Variants in MAPK6 observed in about 807,000 individuals in gnomAD.
The protein encoded by MAPK6 is ERK-3.
A neutral mutation model predicts 59.3 loss-of-function variants in MAPK6; 19 were observed. The ratio of observed to expected loss-of-function variants is 0.32; its 90% confidence interval spans 0.22 to 0.47. The LOEUF is 0.47. MAPK6 is among the 20% of genes least tolerant of loss of function. The pLI is 1.00. For missense variants in MAPK6, 724 were observed against 847.9 expected, an observed-to-expected ratio of 0.85 and a Z score of 1.81; for synonymous variants, 316 against 290.3, an observed-to-expected ratio of 1.09 and a Z score of -0.90.
rs2959280 is a variant in MAPK6, at chr15:51,984,939, C to G, written c.-770+1624C>G. On this transcript the variant is annotated intron_variant, in intron 2 of 7. Transcript: ENST00000691380. The stretch of plus-strand genomic sequence containing the variant: ...AGTTTGTTTTGTTTTTTGTTTCGCA[C>G]TTTTGCAATGAAATTGTATCACTAC... Among the ~76,000 whole-genome samples, 1,065 of 152,234 alleles carry G rather than the reference C, an allele frequency of 7.0e-3. 27 individuals carry two copies. Among genetic ancestry groups the G allele is most frequent in the East Asian group, 0.066 (341 of 5,182 alleles).
intron 4 of MAPK6, among the ~76,000 whole-genome samples, chr15:52,059,343 G>A (rs1370516252): frequency 6.6e-6 from 1 of 152,156 alleles, no homozygotes; most frequent in Non-Finnish European, 1.5e-5. Flanking sequence ...CCCTGGGCTG[G>A]TCTTGAACTC....
chr15:52,049,871 C>A (rs1178929207), intron 2 of MAPK6, 122 bp from the exon 3 acceptor site: 18 of 904,670 alleles, frequency 2.0e-5, no homozygotes, highest in Non-Finnish European at 3.1e-5. Flanking sequence ...CCTTGGTTTC[C>A]CAAAATGCTG....
chr15:52,047,487 AG>A (rs1187792205), intron 2 of MAPK6, among the ~76,000 whole-genome samples: 1 of 152,064 alleles, frequency 6.6e-6, no homozygotes, highest in Non-Finnish European at 1.5e-5. Context: ...CTGGGATTAC[AG>A]GTGCGTGCCA....
At chr15:52,032,725 C>G (rs1754865342) in intron 1 of MAPK6, among the ~76,000 whole-genome samples, 1 of 150,924 alleles carries the variant, frequency 6.6e-6, no homozygotes, top group Admixed American at 6.6e-5. Context: ...GCTCTTGTTG[C>G]CCAGGCTGGA....
At chr15:52,001,864 G>A (rs933970314) in intron 2 of MAPK6, among the ~76,000 whole-genome samples, 30 of 152,298 alleles carry the variant, frequency 2.0e-4, no homozygotes, top group African/African-American at 7.0e-4. Context: ...AGAGGGTCAA[G>A]AGGAATCTGG....
chr15:51,976,431 A>G (rs1314179452), intron 1 of MAPK6, among the ~76,000 whole-genome samples: 1 of 151,828 alleles, frequency 6.6e-6, no homozygotes, highest in South Asian at 2.1e-4. Context: ...TTATTGAGAC[A>G]TAAAATTGAG....
At chr15:52,051,620 T>C (rs1046642015) in intron 3 of MAPK6, among the ~76,000 whole-genome samples, 1 of 152,172 alleles carries the variant, frequency 6.6e-6, no homozygotes, top group African/African-American at 2.4e-5. Context: ...ACGCCTGTAA[T>C]CCCAGCACTT....
intron 1 of MAPK6, among the ~76,000 whole-genome samples, chr15:51,981,004 G>C (rs2057171169): frequency 6.6e-6 from 1 of 151,684 alleles, no homozygotes. Flanking sequence ...TTTCTAAAAT[G>C]ATAGCAAACC....
At chr15:52,048,780 G>A (rs539350311) in intron 2 of MAPK6, among the ~76,000 whole-genome samples, 12 of 152,220 alleles carry the variant, frequency 7.9e-5, no homozygotes, top group Admixed American at 3.3e-4. Context: ...TTAGGAGGCC[G>A]GGGCAGGAGG....
Position 52,064,566 on chromosome 15 carries a change from G to C in MAPK6, c.1732G>C (p.Gly578Arg). Residue 578 changes from glycine to arginine, a missense_variant, in exon 6 of 6, where the codon GGA becomes CGA. Around this residue, in one of 4 missense-constraint regions of MAPK6, gnomAD observed 502 missense variants for 507.6 expected, o/e 0.99. Coordinates refer to ENST00000261845, the MANE Select transcript of MAPK6 (RefSeq NM_002748.4). ...AGTAAGCCAAGAAAAACAGGAAAAA[G>C]GAATGGCAAATCTGGCTCAATTAGA... ...KSVSQEKQEKGMANLAQLEAL... is the reference protein window; with the variant it reads ...KSVSQEKQEKRMANLAQLEAL... The C allele has an allele frequency of 1.2e-6, 2 of 1,611,726 alleles. No individual in the cohort carries two copies. The highest frequency in any genetic ancestry group is 1.7e-6 in the Non-Finnish European group (2 of 1,179,744).
chr15:51,981,188 T>C (rs906210033), intron 1 of MAPK6, among the ~76,000 whole-genome samples: 5 of 151,574 alleles, frequency 3.3e-5, no homozygotes, highest in African/African-American at 1.2e-4. Flanking sequence ...AATTCAGACT[T>C]ATCGGCCGGG....
At chr15:52,039,411 G>A (rs1292431321) in intron 1 of MAPK6, among the ~76,000 whole-genome samples, 2 of 152,042 alleles carry the variant, frequency 1.3e-5, no homozygotes, top group Non-Finnish European at 2.9e-5. Context: ...TTTTTAAATG[G>A]CCAAAGGCAA....
intron 1 of MAPK6, among the ~76,000 whole-genome samples, chr15:52,031,213 G>T (rs970567678): frequency 6.6e-6 from 1 of 152,174 alleles, no homozygotes; most frequent in African/African-American, 2.4e-5. Context: ...GACTACAGGT[G>T]TGAGCCACTG....
intron 1 of MAPK6, among the ~76,000 whole-genome samples, chr15:51,979,235 G>GAA (rs1238371987): frequency 8.8e-5 from 13 of 147,308 alleles, no homozygotes; most frequent in African/African-American, 2.2e-4. Context: ...GAAAGAAAAG[G>GAA]AAGGAAGGAA....
intron 3 of MAPK6, among the ~76,000 whole-genome samples, chr15:52,053,199 G>A (rs1453577534): frequency 2.0e-5 from 3 of 150,142 alleles, no homozygotes; most frequent in Admixed American, 6.7e-5. Context: ...TCAGCCTCCC[G>A]AGTAGCTGGG....
intron 2 of MAPK6, among the ~76,000 whole-genome samples, chr15:51,986,777 G>C (rs929596468): frequency 1.3e-5 from 2 of 152,040 alleles, no homozygotes; most frequent in African/African-American, 4.8e-5. Flanking sequence ...TGAAATAATA[G>C]AAAAAAGTTC....
chr15:51,999,999 T>G (rs2057237644), intron 2 of MAPK6, among the ~76,000 whole-genome samples: 9 of 152,142 alleles, frequency 5.9e-5, no homozygotes, highest in Admixed American at 5.9e-4. Context: ...AGTGCAGTGC[T>G]GCAATCACAG....
chr15:52,054,650 CAAA>C (rs144122282), intron 3 of MAPK6, among the ~76,000 whole-genome samples: 8,226 of 151,382 alleles, frequency 0.054, 422 homozygotes, highest in African/African-American at 0.13. Flanking sequence ...GGAGGAGTAT[CAAA>C]AGAATTTTTG....
intron 1 of MAPK6, among the ~76,000 whole-genome samples, chr15:52,042,075 C>G (rs1290546085): frequency 6.6e-6 from 1 of 152,134 alleles, no homozygotes; most frequent in African/African-American, 2.4e-5. Context: ...ATTGGATCCA[C>G]TGTATGATAT....
Sources: gnomAD v4.1 joint callset for allele counts (sites outside exome capture counted in the v4.1 genomes callset) on GRCh38, gnomAD v4.1.1 for gene constraint, gnomAD v4.1.1 regional missense constraint, MANE v1.5 for transcripts, NCBI Gene and HGNC (gene_info 2026-07-23, HGNC 2026-07-21) for gene names.